SAP30BP: variants seen among roughly 807,000 people sequenced by gnomAD.
The protein encoded by SAP30BP is SAP30 binding protein.
A neutral mutation model predicts 46.3 loss-of-function variants in SAP30BP; 31 were observed. That is an observed-to-expected ratio of 0.67 (90% CI 0.50 to 0.90). The LOEUF is 0.90. SAP30BP is among the 40% of genes least tolerant of loss of function. The probability of loss-of-function intolerance (pLI) is 0.00; values close to 1 mark genes in which losing one functional copy is unlikely to be tolerated. For missense variants in SAP30BP, 312 were observed against 391.0 expected, an observed-to-expected ratio of 0.80 and a Z score of 1.70; for synonymous variants, 169 against 144.2, an observed-to-expected ratio of 1.17 and a Z score of -1.23.
At chr17:75,679,290 C>T (rs557827173) in intron 3 of SAP30BP, among the ~76,000 whole-genome samples, 2 of 152,170 alleles carry the variant, frequency 1.3e-5, no homozygotes, top group Non-Finnish European at 2.9e-5. Context: ...ACCACCATGC[C>T]CGGCCTTCAG....
At chr17:75,705,028 T>C in intron 9 of SAP30BP, 1 of 547,448 alleles carries the variant, frequency 1.8e-6, no homozygotes, top group African/African-American at 1.9e-5. Flanking sequence ...ACTTGTTTGC[T>C]ACATTGTGCC....
At chr17:75,700,655 A>T (rs771780438) in intron 5 of SAP30BP, among the ~76,000 whole-genome samples, 1 of 152,190 alleles carries the variant, frequency 6.6e-6, no homozygotes, top group Non-Finnish European at 1.5e-5. Context: ...CCAGAGCAGG[A>T]CTGGGGGTGC....
intron 3 of SAP30BP, chr17:75,690,615 G>A: frequency 2.2e-6 from 1 of 452,406 alleles, no homozygotes; most frequent in Admixed American, 2.4e-5. Flanking sequence ...CACTGCGCCT[G>A]ACCAAGCGAG....
chr17:75,679,822 A>G (rs1568304738), intron 3 of SAP30BP: 1 of 152,214 alleles, frequency 6.6e-6, no homozygotes. Flanking sequence ...AGCAGACGTG[A>G]CAGTCCTGGG....
intron 3 of SAP30BP, chr17:75,692,313 C>T (rs949788346): frequency 5.1e-6 from 5 of 985,342 alleles, no homozygotes; most frequent in Middle Eastern, 5.2e-4. Context: ...GTGGAGCCTG[C>T]GGAGCTCTGC....
intron 3 of SAP30BP, chr17:75,692,216 C>T: frequency 3.0e-6 from 3 of 985,724 alleles, no homozygotes; most frequent in Non-Finnish European, 3.6e-6. Context: ...GGGGCTAAGA[C>T]TGAGTCTAGG....
intron 9 of SAP30BP, 38 bp from the exon 10 acceptor site, chr17:75,705,970 C>G: frequency 6.2e-7 from 1 of 1,608,782 alleles, no homozygotes; most frequent in East Asian, 2.2e-5. Flanking sequence ...GGACACCCAG[C>G]TTTGCCTGGT....
chr17:75,681,402 C>T (rs1490001914), intron 3 of SAP30BP, among the ~76,000 whole-genome samples: 1 of 152,204 alleles, frequency 6.6e-6, no homozygotes, highest in South Asian at 2.1e-4. Context: ...AAGACCAGGT[C>T]TCCCAGTTGA....
rs2060469947 is a variant in SAP30BP at position 75,704,816 on chromosome 17, T to G, written c.660+2T>G. 5 of 1,611,846 alleles carry G rather than the reference T, an allele frequency of 3.1e-6. No individual in the cohort carries two copies. Among genetic ancestry groups the G allele is most frequent in the Non-Finnish European group, 4.2e-6 (5 of 1,178,186 alleles). ...AAGGCCAAAAAGGAGCGAACAAAAGTAAGTGATGGCAGACCTCCTAGATGA... is the reference window on the plus strand; with the variant it reads ...AAGGCCAAAAAGGAGCGAACAAAAGGAAGTGATGGCAGACCTCCTAGATGA... On this transcript the variant is annotated splice_donor_variant, in intron 9 of 10. Coordinates refer to ENST00000584667, the MANE Select transcript of SAP30BP (RefSeq NM_013260.8). LOFTEE classifies it high-confidence loss of function.
At chr17:75,704,602 C>T (rs533499818) in intron 8 of SAP30BP, 154 bp from the exon 9 acceptor site, 10 of 670,928 alleles carry the variant, frequency 1.5e-5, no homozygotes, top group East Asian at 2.6e-5. Flanking sequence ...TGCCCTATGC[C>T]GACCAAGGGC....
chr17:75,679,556 A>G (rs935914609), intron 3 of SAP30BP: 3 of 152,170 alleles, frequency 2.0e-5, no homozygotes, highest in African/African-American at 4.8e-5. Context: ...GTGAGTAAGA[A>G]CTAACTCTGG....
At chr17:75,669,379 G>A (rs576391081) in intron 2 of SAP30BP, among the ~76,000 whole-genome samples, 32 of 152,056 alleles carry the variant, frequency 2.1e-4, no homozygotes, top group Admixed American at 3.9e-4. Flanking sequence ...TGAGTAGCTG[G>A]GATTACAGAC....
intron 4 of SAP30BP, among the ~76,000 whole-genome samples, chr17:75,697,729 T>TC (rs2060344457): frequency 2.6e-5 from 4 of 152,318 alleles, no homozygotes; most frequent in African/African-American, 9.6e-5. Flanking sequence ...GTATTTGCAG[T>TC]CGGCATAGGC....
intron 3 of SAP30BP, among the ~76,000 whole-genome samples, chr17:75,678,967 T>A (rs2060034367): frequency 6.6e-6 from 1 of 151,614 alleles, no homozygotes; most frequent in East Asian, 1.9e-4. Flanking sequence ...GTGAGCTCCC[T>A]GTTTCTAGAG....
At chr17:75,696,080 C>T (rs376312751) in intron 4 of SAP30BP, among the ~76,000 whole-genome samples, 1 of 152,204 alleles carries the variant, frequency 6.6e-6, no homozygotes, top group Non-Finnish European at 1.5e-5. Context: ...TGGGCACGCA[C>T]CAGGGCAAGT....
At chr17:75,677,535 G>T (rs1283384237) in intron 3 of SAP30BP, among the ~76,000 whole-genome samples, 1 of 148,460 alleles carries the variant, frequency 6.7e-6, no homozygotes, top group South Asian at 2.2e-4. Context: ...CAGTTCAAGC[G>T]ATTCTCCTGC....
Position 75,706,672 on chromosome 17 carries a change from A to C in SAP30BP, c.*151A>C. 8.4e-6 allele frequency: 6 copies of C among 717,602 alleles called. No individual in the cohort carries two copies. Among genetic ancestry groups the C allele is most frequent in the Non-Finnish European group, 9.2e-6 (4 of 435,494 alleles). 44.5% of individuals were successfully genotyped at this position (717,602 alleles called of 1,614,324 possible). A position where few individuals can be genotyped will look rare whatever the true frequency, so the allele number is the denominator to read the frequency against. ...TGTTTGGCATTCCAGATGGAAGGACAGGCAGCACGGGAGCCAGGCGCTGTG... is the reference window on the plus strand; with the variant it reads ...TGTTTGGCATTCCAGATGGAAGGACCGGCAGCACGGGAGCCAGGCGCTGTG... On this transcript the variant is annotated 3_prime_UTR_variant, in exon 11 of 11. Coordinates refer to ENST00000584667, the MANE Select transcript of SAP30BP (RefSeq NM_013260.8). This position sits in a 1 kb window ranked among gnomAD's most constrained non-coding sequence, Gnocchi z 4.6.
chr17:75,703,479 T>G, intron 7 of SAP30BP, 108 bp downstream of exon 7: 1 of 911,276 alleles, frequency 1.1e-6, no homozygotes, highest in Non-Finnish European at 1.7e-6. Flanking sequence ...GTGGCACGGC[T>G]CGTTGAAAGC....
intron 3 of SAP30BP, among the ~76,000 whole-genome samples, chr17:75,672,972 A>C (rs2148371200): frequency 6.6e-6 from 1 of 152,238 alleles, no homozygotes; most frequent in South Asian, 2.1e-4. Context: ...CAAAAAAAAA[A>C]ACAAAAAAAA....
Sources: gnomAD v4.1 joint callset for allele counts (sites outside exome capture counted in the v4.1 genomes callset) on GRCh38, gnomAD v4.1.1 for gene constraint, Gnocchi (gnomAD v3.1) non-coding constraint, MANE v1.5 for transcripts, NCBI Gene and HGNC (gene_info 2026-07-23, HGNC 2026-07-21) for gene names.